SLC28A3: variants seen among roughly 807,000 people sequenced by gnomAD.
SLC28A3 encodes the protein concentrative Na(+)-nucleoside cotransporter 3.
Under a neutral mutation model 84.2 loss-of-function variants are expected in SLC28A3, and 68 were observed. The observed-to-expected ratio is 0.81, with a 90% CI of 0.66 to 0.99. The LOEUF is 0.99. Ranked by LOEUF, SLC28A3 falls within the 50% of genes least tolerant of loss-of-function variation. The probability of loss-of-function intolerance (pLI) is 0.00; values close to 1 mark genes in which losing one functional copy is unlikely to be tolerated. For synonymous variants in SLC28A3, 267 were observed against 303.6 expected (o/e 0.88, Z 1.25); for missense variants, 712 against 841.5 (o/e 0.85, Z 1.90).
intron 1 of SLC28A3, among the ~76,000 whole-genome samples, chr9:84,335,996 C>T (rs558450800): frequency 4.0e-5 from 6 of 151,868 alleles, no homozygotes; most frequent in South Asian, 2.1e-4. Context: ...AACTTCCCAA[C>T]GGATGTCCCA....
At chr9:84,299,890 T>G (rs1825562419) in intron 5 of SLC28A3, among the ~76,000 whole-genome samples, 165 bp from the exon 6 acceptor site, 2 of 152,092 alleles carry the variant, frequency 1.3e-5, no homozygotes, top group Admixed American at 6.6e-5. Context: ...CTTCCCGGGT[T>G]CAAGCAATTC....
intron 2 of SLC28A3, 140 bp from the exon 3 acceptor site, chr9:84,309,854 T>C (rs1825932514): frequency 1.5e-6 from 1 of 647,524 alleles, no homozygotes; most frequent in Admixed American, 3.0e-5. Context: ...GCTCCTATTA[T>C]CTACTGCACA....
At position 84,280,059 on chromosome 9, in the gene SLC28A3, A is replaced by G. The variant is rs765448644; in HGVS notation, c.1744T>C (p.Ser582Pro). 12 of 1,613,828 alleles carry G rather than the reference A, an allele frequency of 7.4e-6. No homozygotes were observed. The highest frequency in any genetic ancestry group is 1.0e-5 in the Non-Finnish European group (12 of 1,179,954). ...CCCGAGGCGATATCACGCTTTCTGG[A>G]AGGAGCCATGGATGCTGGGAAACAT... ...VIGGLTSMAP[S>P]RKRDIASGAV... The change falls in exon 16 of 18, where the codon TCC becomes CCC. Residue 582 changes from serine to proline, a missense_variant. Ser to Pro is a moderately conservative substitution (Grantham distance 74). Coordinates refer to ENST00000376238, the MANE Select transcript of SLC28A3 (RefSeq NM_001199633.2).
intron 8 of SLC28A3, among the ~76,000 whole-genome samples, chr9:84,294,827 G>A (rs959857353): frequency 6.6e-6 from 1 of 152,186 alleles, no homozygotes; most frequent in African/African-American, 2.4e-5. Flanking sequence ...GAACCTGGGA[G>A]CGGCCATTCC....
At chr9:84,310,823 C>G (rs79002158) in intron 2 of SLC28A3, among the ~76,000 whole-genome samples, 3,728 of 152,226 alleles carry the variant, frequency 0.024, 156 homozygotes, top group African/African-American at 0.085. Context: ...TTATTTATTT[C>G]TATCTAATTC....
intron 1 of SLC28A3, among the ~76,000 whole-genome samples, chr9:84,322,343 A>G (rs764519808): frequency 2.9e-4 from 44 of 152,264 alleles, no homozygotes; most frequent in Non-Finnish European, 4.8e-4. Context: ...CCCCTAAGCT[A>G]ATTCAAAGTC....
chr9:84,304,677 C>T (rs904521825), intron 4 of SLC28A3, among the ~76,000 whole-genome samples: 5 of 152,112 alleles, frequency 3.3e-5, no homozygotes, highest in African/African-American at 1.2e-4. Flanking sequence ...TCCTCAAATC[C>T]ACCTGACAAT....
At chr9:84,306,153 C>T (rs1003762065) in intron 3 of SLC28A3, among the ~76,000 whole-genome samples, 1 of 152,090 alleles carries the variant, frequency 6.6e-6, no homozygotes, top group East Asian at 1.9e-4. Context: ...GGAGGCCTCT[C>T]CTTCTCCCAC....
upstream of SLC28A3, among the ~76,000 whole-genome samples, chr9:84,341,246 C>T (rs901144659): frequency 2.0e-5 from 3 of 152,100 alleles, no homozygotes; most frequent in African/African-American, 7.2e-5. Context: ...GCTGGGATTA[C>T]AGGCATGAGC....
At chr9:84,289,968 A>G (rs1269077056) in intron 11 of SLC28A3, 186 bp downstream of exon 11, 7 of 556,460 alleles carry the variant, frequency 1.3e-5, no homozygotes, top group Admixed American at 6.4e-5. Context: ...CAGCAGGTAT[A>G]TGAAGCCCTG....
the SLC28A3 span, among the ~76,000 whole-genome samples, chr9:84,360,965 A>G: frequency 1.3e-5 from 2 of 152,184 alleles, no homozygotes; most frequent in East Asian, 1.9e-4. Context: ...TAGGTACTTC[A>G]TAAATGCTAG....
chr9:84,311,468 TTGGTCTTGTACATTCTA>T (rs954095852), intron 2 of SLC28A3, among the ~76,000 whole-genome samples: 2 of 151,924 alleles, frequency 1.3e-5, no homozygotes, highest in Non-Finnish European at 2.9e-5. Context: ...TGAGACTCTC[TTGGTCTTGTACATTCTA>T]TGGGTTTGGA....
At chr9:84,349,909 G>T in the SLC28A3 span, among the ~76,000 whole-genome samples, 1 of 152,140 alleles carries the variant, frequency 6.6e-6, no homozygotes, top group Non-Finnish European at 1.5e-5. Flanking sequence ...TAACAATGGG[G>T]ATACATTCTG....
chr9:84,331,503 C>G (rs1826786814), intron 1 of SLC28A3, among the ~76,000 whole-genome samples: 1 of 152,170 alleles, frequency 6.6e-6, no homozygotes, highest in Admixed American at 6.5e-5. Flanking sequence ...AAATTGTAAA[C>G]TCCATTTAAC....
intron 5 of SLC28A3, among the ~76,000 whole-genome samples, chr9:84,300,055 G>A (rs1825568519): frequency 6.6e-6 from 1 of 152,194 alleles, no homozygotes; most frequent in African/African-American, 2.4e-5. Context: ...GCCTCCCAAA[G>A]TGCTGGGATT....
the SLC28A3 span, among the ~76,000 whole-genome samples, chr9:84,368,452 C>CG: frequency 6.6e-6 from 1 of 152,070 alleles, no homozygotes; most frequent in African/African-American, 2.4e-5. Context: ...GATACAGTAC[C>CG]TGGGTATCGC....
chr9:84,324,723 G>T (rs141391398), intron 1 of SLC28A3, among the ~76,000 whole-genome samples: 1 of 152,272 alleles, frequency 6.6e-6, no homozygotes, highest in East Asian at 1.9e-4. Flanking sequence ...ACTGACAGGG[G>T]AATAGCACCC....
chr9:84,336,221 G>A (rs976214789), intron 1 of SLC28A3, among the ~76,000 whole-genome samples: 6 of 152,078 alleles, frequency 3.9e-5, no homozygotes, highest in African/African-American at 1.4e-4. Context: ...CAAGAATTAG[G>A]TCGGGCACGG....
At chr9:84,322,134 TGTGA>T (rs1385300091) in intron 1 of SLC28A3, among the ~76,000 whole-genome samples, 1 of 152,274 alleles carries the variant, frequency 6.6e-6, no homozygotes, top group East Asian at 1.9e-4. Context: ...AACACCTGTC[TGTGA>T]AGCAATTTGG....
Sources: allele counts gnomAD v4.1 joint callset (sites outside exome capture counted in the v4.1 genomes callset), GRCh38; gene constraint gnomAD v4.1.1; transcripts MANE v1.5; gene names NCBI Gene and HGNC (gene_info 2026-07-23, HGNC 2026-07-21).